The following CTNND2 variants were observed in gnomAD, a reference collection of about 807,000 sequenced individuals.
CTNND2 encodes catenin delta-2.
In CTNND2, 22 loss-of-function variants were observed where a neutral mutation model predicts 144.4. The ratio of observed to expected loss-of-function variants is 0.15; its 90% CI spans 0.11 to 0.22. The LOEUF is 0.22. Among genes scored for constraint, CTNND2 ranks in the 10% least tolerant of loss-of-function variants. CTNND2 has a pLI of 1.00. For synonymous variants in CTNND2, 751 were observed against 695.6 expected (o/e 1.08, Z -1.25); for missense variants, 1,353 against 1,618.8 (o/e 0.84, Z 2.82).
At chr5:11,605,404 T>C (rs1489059862) in intron 2 of CTNND2, among the ~76,000 whole-genome samples, 1 of 152,190 alleles carries the variant, frequency 6.6e-6, no homozygotes, top group Admixed American at 6.6e-5. Context: ...AGATGGTTTC[T>C]CAAGGTGGTA....
intron 1 of CTNND2, among the ~76,000 whole-genome samples, chr5:11,787,871 C>T (rs150879603): frequency 4.1e-4 from 62 of 152,264 alleles, no homozygotes; most frequent in African/African-American, 1.4e-3. Context: ...ATGTACTTTT[C>T]CTTAGAAGTG....
intron 1 of CTNND2, among the ~76,000 whole-genome samples, chr5:11,765,042 C>CT (rs1554117337): frequency 6.6e-6 from 1 of 150,420 alleles, no homozygotes; most frequent in East Asian, 2.0e-4. Context: ...CTGCCCCCCC[C>CT]ACCCTCCCTT....
intron 9 of CTNND2, among the ~76,000 whole-genome samples, chr5:11,285,128 C>T (rs183524466): frequency 5.9e-5 from 9 of 152,308 alleles, no homozygotes; most frequent in Admixed American, 4.6e-4. Flanking sequence ...GATCAAGTTC[C>T]TCATCCTTCA....
At position 10,973,381 on chromosome 5, in the gene CTNND2, A is replaced by G. The variant is rs1022225005; in HGVS notation, c.*72T>C. ...ACAAACTAAATTTGCAGGAGAAAAA[A>G]ACAAAACAGAAAGAAATGTCTTGTG... On this transcript the variant is annotated 3_prime_UTR_variant, in exon 22 of 22. Coordinates refer to ENST00000304623, the MANE Select transcript of CTNND2 (RefSeq NM_001332.4). This position sits in a 1 kb window ranked among gnomAD's most constrained non-coding sequence, Gnocchi z 5.6. 4 of 1,437,770 alleles carry G rather than the reference A, an allele frequency of 2.8e-6. No individual in the cohort carries two copies. Among genetic ancestry groups the G allele is most frequent in the African/African-American group, 1.4e-5 (1 of 69,818 alleles). 89.1% of individuals were successfully genotyped at this position (1,437,770 alleles called of 1,614,324 possible).
intron 2 of CTNND2, among the ~76,000 whole-genome samples, chr5:11,714,225 C>T (rs1786212225): frequency 2.6e-5 from 4 of 152,184 alleles, no homozygotes; most frequent in Admixed American, 2.6e-4. Context: ...CTATCAGAAA[C>T]TGACTGGAGT....
chr5:11,707,020 A>G (rs1210843883), intron 2 of CTNND2, among the ~76,000 whole-genome samples: 5 of 151,284 alleles, frequency 3.3e-5, no homozygotes, highest in Non-Finnish European at 7.4e-5. Flanking sequence ...CAGGAGGCGG[A>G]GCTTGCAGTG....
intron 2 of CTNND2, among the ~76,000 whole-genome samples, chr5:11,729,587 C>T (rs987605430): frequency 3.3e-5 from 5 of 152,102 alleles, no homozygotes; most frequent in African/African-American, 9.7e-5. Flanking sequence ...ATAACATTTT[C>T]AACTCTTCAC....
chr5:11,862,526 A>G (rs4373279), intron 1 of CTNND2, among the ~76,000 whole-genome samples: 100,564 of 152,038 alleles, frequency 0.66, 33,781 homozygotes, highest in East Asian at 0.81. Context: ...TTAGGAAACT[A>G]GAAAACTTGA....
intron 1 of CTNND2, among the ~76,000 whole-genome samples, chr5:11,757,008 A>G (rs1232800410): frequency 6.6e-6 from 1 of 151,748 alleles, no homozygotes; most frequent in Non-Finnish European, 1.5e-5. Context: ...ATTACACAAT[A>G]TCTGGTTTTC....
intron 1 of CTNND2, among the ~76,000 whole-genome samples, chr5:11,763,996 T>C (rs891215227): frequency 1.3e-5 from 2 of 152,098 alleles, no homozygotes; most frequent in Admixed American, 6.6e-5. Flanking sequence ...TTAGGGCACA[T>C]GAAAGTTAGG....
intron 1 of CTNND2, among the ~76,000 whole-genome samples, chr5:11,816,100 C>T (rs1792631086): frequency 6.6e-6 from 1 of 152,160 alleles, no homozygotes; most frequent in African/African-American, 2.4e-5. Flanking sequence ...GTCCTGGGAC[C>T]CACTCATGCA....
intron 15 of CTNND2, among the ~76,000 whole-genome samples, chr5:11,093,246 G>A (rs964107834): frequency 3.9e-5 from 6 of 152,154 alleles, no homozygotes; most frequent in Non-Finnish European, 8.8e-5. Flanking sequence ...TTCAAATCCT[G>A]GGTTTTCAGA....
At position 11,268,614 on chromosome 5, in the gene CTNND2, A is replaced by G. The variant is rs111268525; in HGVS notation, c.1629-31791T>C. On this transcript the variant is annotated intron_variant, in intron 9 of 21. Transcript: ENST00000304623. ...GTAAGACTCTGATACACACAAAAGAAAAAATAACATAAAAATAACATAGCA... is the reference window on the plus strand; with the variant it reads ...GTAAGACTCTGATACACACAAAAGAGAAAATAACATAAAAATAACATAGCA... Among the ~76,000 whole-genome samples, 314 of 152,264 alleles carry G rather than the reference A, an allele frequency of 2.1e-3. 2 individuals carry two copies. The highest frequency in any genetic ancestry group is 6.7e-3 in the African/African-American group (279 of 41,556).
chr5:11,286,703 C>T (rs1747794464), intron 9 of CTNND2, among the ~76,000 whole-genome samples: 1 of 152,176 alleles, frequency 6.6e-6, no homozygotes, highest in African/African-American at 2.4e-5. Context: ...TTGGCACATA[C>T]AGGGTGAAAT....
chr5:11,780,640 A>G (rs1561791124), intron 1 of CTNND2, among the ~76,000 whole-genome samples: 1 of 152,344 alleles, frequency 6.6e-6, no homozygotes, highest in South Asian at 2.1e-4. Context: ...AGCAACTAGA[A>G]GATCCCTAGA....
rs985745648 is a variant in CTNND2 at position 11,607,053 on chromosome 5, A to C, written c.175-41997T>G. On this transcript the variant is annotated intron_variant, in intron 2 of 21. Coordinates refer to ENST00000304623, the MANE Select transcript of CTNND2 (RefSeq NM_001332.4). ...GACAGGCACACAGGAAGAATGTTAT[A>C]TGAAGATGAAGTCAGAGGTCAGGAA... Among the ~76,000 whole-genome samples, 10 of 152,206 alleles carry C rather than the reference A, an allele frequency of 6.6e-5. 1 individual carries two copies. The highest frequency in any genetic ancestry group is 2.4e-4 in the African/African-American group (10 of 41,448).
intron 1 of CTNND2, among the ~76,000 whole-genome samples, chr5:11,748,763 A>C (rs1370075711): frequency 6.6e-6 from 1 of 151,794 alleles, no homozygotes; most frequent in Non-Finnish European, 1.5e-5. Flanking sequence ...TGTTGGGTTG[A>C]GTTTGGGAGT....
At chr5:11,048,962 C>A (rs1745562254) in intron 16 of CTNND2, among the ~76,000 whole-genome samples, 2 of 152,182 alleles carry the variant, frequency 1.3e-5, no homozygotes, top group African/African-American at 4.8e-5. Context: ...CTGGCCTCCA[C>A]CCACTAGGTG....
intron 2 of CTNND2, among the ~76,000 whole-genome samples, chr5:11,566,134 T>A (rs1218762957): frequency 1.3e-5 from 2 of 152,158 alleles, no homozygotes; most frequent in Non-Finnish European, 2.9e-5. Flanking sequence ...GAATCTGGTG[T>A]GTCCCCTATA....
Sources: gnomAD v4.1 joint callset for allele counts (sites outside exome capture counted in the v4.1 genomes callset) on GRCh38, gnomAD v4.1.1 for gene constraint, Gnocchi (gnomAD v3.1) non-coding constraint, MANE v1.5 for transcripts, NCBI Gene and HGNC (gene_info 2026-07-23, HGNC 2026-07-21) for gene names.